CLNK: variants seen among roughly 807,000 people sequenced by gnomAD.
CLNK encodes cytokine-dependent hematopoietic cell linker.
A neutral mutation model predicts 68.6 loss-of-function variants in CLNK; 74 were observed. The ratio of observed to expected loss-of-function variants is 1.08; its 90% CI spans 0.89 to 1.31. CLNK has a LOEUF of 1.31. Ranked by LOEUF, CLNK falls within the 50% of genes most tolerant of loss-of-function variation. CLNK has a pLI of 0.00. For missense variants in CLNK, 553 were observed against 515.3 expected (o/e 1.07, Z -0.71); for synonymous variants, 198 against 172.2 (o/e 1.15, Z -1.17).
At chr4:10,531,305 A>G (rs533674116) in intron 12 of CLNK, 1 of 152,768 alleles carries the variant, frequency 6.5e-6, no homozygotes, top group East Asian at 1.9e-4. Flanking sequence ...TTTATCTCAC[A>G]TGACTTTTAT....
chr4:10,507,349 T>G (rs1717346805), intron 17 of CLNK, among the ~76,000 whole-genome samples: 1 of 151,846 alleles, frequency 6.6e-6, no homozygotes, highest in Non-Finnish European at 1.5e-5. Flanking sequence ...TGACCTCAGG[T>G]GATCCACCCG....
At chr4:10,649,505 T>C (rs1389624308) in intron 2 of CLNK, among the ~76,000 whole-genome samples, 1 of 152,152 alleles carries the variant, frequency 6.6e-6, no homozygotes, top group Non-Finnish European at 1.5e-5. Context: ...TCACATATTC[T>C]ACACTGTGGA....
At chr4:10,611,996 CTCTG>C (rs1441081931) in intron 2 of CLNK, among the ~76,000 whole-genome samples, 1 of 152,202 alleles carries the variant, frequency 6.6e-6, no homozygotes, top group African/African-American at 2.4e-5. Context: ...TTGGCCAAAT[CTCTG>C]TCTGTAAACA....
intron 11 of CLNK, among the ~76,000 whole-genome samples, chr4:10,535,874 A>C (rs1420511905): frequency 2.0e-5 from 3 of 152,230 alleles, no homozygotes; most frequent in Non-Finnish European, 2.9e-5. Context: ...AATTAAGTAC[A>C]TGGATATTGT....
intron 1 of CLNK, among the ~76,000 whole-genome samples, chr4:10,676,017 T>C (rs1333230438): frequency 6.6e-6 from 1 of 151,660 alleles, no homozygotes; most frequent in Non-Finnish European, 1.5e-5. Context: ...AGGGAGCATG[T>C]GTGTATATTT....
intron 15 of CLNK, 114 bp downstream of exon 15, chr4:10,520,677 A>G (rs1337373009): frequency 2.7e-6 from 2 of 728,510 alleles, no homozygotes; most frequent in African/African-American, 3.5e-5. Context: ...AGCTAATTAC[A>G]TCTGTACACA....
At chr4:10,564,179 T>C (rs1016535457) in intron 7 of CLNK, among the ~76,000 whole-genome samples, 2 of 151,978 alleles carry the variant, frequency 1.3e-5, no homozygotes, top group African/African-American at 4.8e-5. Context: ...TTATCTTTTG[T>C]AGCTTCCAAA....
At chr4:10,674,068 C>A (rs1724772895) in intron 1 of CLNK, among the ~76,000 whole-genome samples, 1 of 152,100 alleles carries the variant, frequency 6.6e-6, no homozygotes, top group African/African-American at 2.4e-5. Flanking sequence ...CTTGTGGAAC[C>A]CGGAGTCACA....
the CLNK span, among the ~76,000 whole-genome samples, chr4:10,725,625 G>T: frequency 1.3e-5 from 2 of 152,094 alleles, no homozygotes; most frequent in Non-Finnish European, 2.9e-5. Flanking sequence ...AGGCCAAGGC[G>T]GGCGGATCAC....
intron 1 of CLNK, among the ~76,000 whole-genome samples, chr4:10,673,201 A>G (rs984792586): frequency 7.2e-5 from 11 of 152,166 alleles, no homozygotes; most frequent in African/African-American, 2.7e-4. Flanking sequence ...AGGCTTTACA[A>G]TGTGCCAGTC....
At chr4:10,687,988 G>T (rs1004470219), upstream of CLNK, among the ~76,000 whole-genome samples, 3 of 152,158 alleles carry the variant, frequency 2.0e-5, no homozygotes, top group Non-Finnish European at 4.4e-5. Context: ...TCACACAGTG[G>T]CTGCCTAGAT....
chr4:10,711,747 C>G, the CLNK span, among the ~76,000 whole-genome samples: 29 of 152,220 alleles, frequency 1.9e-4, no homozygotes, highest in African/African-American at 7.0e-4. Flanking sequence ...AGTCTCAGAT[C>G]ATCCACTTTA....
chr4:10,652,256 C>A (rs1324032764), intron 2 of CLNK, among the ~76,000 whole-genome samples: 1 of 151,454 alleles, frequency 6.6e-6, no homozygotes, highest in African/African-American at 2.4e-5. Flanking sequence ...GTGGCGAGCA[C>A]CTGTAATCCC....
At chr4:10,671,611 T>C (rs1057144612) in intron 1 of CLNK, among the ~76,000 whole-genome samples, 17 of 152,292 alleles carry the variant, frequency 1.1e-4, no homozygotes, top group Non-Finnish European at 2.2e-4. Flanking sequence ...TTATGTCCCC[T>C]GGCTTTTTGA....
intron 2 of CLNK, among the ~76,000 whole-genome samples, chr4:10,636,642 A>C (rs761170967): frequency 2.0e-5 from 3 of 152,122 alleles, no homozygotes; most frequent in African/African-American, 4.8e-5. Context: ...AGCAGAAGGA[A>C]TAGCAGCACG....
chr4:10,603,114 A>C (rs1325367337), intron 2 of CLNK, among the ~76,000 whole-genome samples: 3 of 152,232 alleles, frequency 2.0e-5, no homozygotes, highest in African/African-American at 7.2e-5. Flanking sequence ...CTTCTGTTGT[A>C]AAACTGCACT....
chr4:10,692,355 G>C, the CLNK span, among the ~76,000 whole-genome samples: 12 of 152,258 alleles, frequency 7.9e-5, no homozygotes, highest in East Asian at 7.7e-4. Flanking sequence ...TTTTAACAGA[G>C]ATATAGCAAA....
chr4:10,646,844 T>C (rs565392007), intron 2 of CLNK, among the ~76,000 whole-genome samples: 25 of 152,352 alleles, frequency 1.6e-4, no homozygotes, highest in Admixed American at 3.3e-4. Context: ...AGAGCAACTC[T>C]GTGAACAAAC....
At chr4:10,692,666 AGT>A in the CLNK span, among the ~76,000 whole-genome samples, 1 of 152,216 alleles carries the variant, frequency 6.6e-6, no homozygotes, top group African/African-American at 2.4e-5. Flanking sequence ...GCTACGTGAG[AGT>A]GGGGTTTTGT....
Sources: gnomAD v4.1 joint callset for allele counts (sites outside exome capture counted in the v4.1 genomes callset) on GRCh38, gnomAD v4.1.1 for gene constraint, MANE v1.5 for transcripts, NCBI Gene and HGNC (gene_info 2026-07-23, HGNC 2026-07-21) for gene names.